Variants in MGAT1 observed in about 807,000 individuals in gnomAD.
MGAT1 encodes the protein alpha-1,3-mannosyl-glycoprotein 2-beta-N-acetylglucosaminyltransferase, also known as N-glycosyl-oligosaccharide-glycoprotein N-acetylglucosaminyltransferase I.
A neutral mutation model predicts 31.7 loss-of-function variants in MGAT1; 14 were observed. The observed-to-expected ratio is 0.44, with a 90% CI of 0.29 to 0.69. The LOEUF is 0.69. MGAT1 is among the 30% of genes least tolerant of loss of function. The pLI is 0.12. For missense variants in MGAT1, 557 were observed against 626.0 expected (o/e 0.89, Z 1.18); for synonymous variants, 338 against 276.0 (o/e 1.22, Z -2.23).
At position 180,792,193 on chromosome 5, in the gene MGAT1, C is replaced by CT; in HGVS notation, c.778_779insA (p.Arg260GlnfsTer19). 1 of 1,613,088 alleles carries CT rather than the reference C, an allele frequency of 6.2e-7. No individual in the cohort carries two copies. The highest frequency in any genetic ancestry group is 8.5e-7 in the Non-Finnish European group (1 of 1,179,992). The stretch of plus-strand genomic sequence containing the variant: ...GCCCAGGCCAGGGAAAAAGTCGGTG[C>CT]GGTAGAGCAGCTCAGGCCTGCTGGC... On this transcript the variant is annotated frameshift_variant, in exon 2 of 2. Transcript: ENST00000307826. LOFTEE classifies it high-confidence loss of function.
chr5:180,803,915 CCT>C (rs1318072849), upstream of MGAT1: 1 of 152,434 alleles, frequency 6.6e-6, no homozygotes, highest in Non-Finnish European at 1.5e-5. Flanking sequence ...GACCCACGCC[CCT>C]GACATCAACC....
chr5:180,810,876 A>T (rs1029000858), intron 1 of MGAT1: 2 of 152,210 alleles, frequency 1.3e-5, no homozygotes, highest in African/African-American at 4.8e-5. Context: ...GCCCTCTGAC[A>T]GGTGCTGTTG....
chr5:180,800,941 T>C (rs1173045123), intron 1 of MGAT1, among the ~76,000 whole-genome samples: 1 of 152,218 alleles, frequency 6.6e-6, no homozygotes, highest in Non-Finnish European at 1.5e-5. Context: ...CTTTCTAGAG[T>C]TTTCACAACT....
chr5:180,793,174 G>A, intron 1 of MGAT1, 77 bp from the exon 2 acceptor site: 2 of 643,210 alleles, frequency 3.1e-6, no homozygotes, highest in Non-Finnish European at 5.3e-6. Context: ...GGAAATGGGG[G>A]CAGGAAAAGG....
chr5:180,809,782 TAAAC>T (rs1271029067), intron 1 of MGAT1: 4 of 144,782 alleles, frequency 2.8e-5, no homozygotes, highest in African/African-American at 1.0e-4. Context: ...AGTTTATTCG[TAAAC>T]ACACACACAT....
At chr5:180,811,980 C>T (rs1193349231) in intron 1 of MGAT1, among the ~76,000 whole-genome samples, 1 of 152,322 alleles carries the variant, frequency 6.6e-6, no homozygotes, top group African/African-American at 2.4e-5. Context: ...TCCTGACCAA[C>T]CTGTTTAAAC....
chr5:180,805,743 C>G (rs1771769954), upstream of MGAT1, among the ~76,000 whole-genome samples: 1 of 151,566 alleles, frequency 6.6e-6, no homozygotes, highest in Admixed American at 6.6e-5. Flanking sequence ...GAGTGAGATT[C>G]CATCTCAAAA....
At chr5:180,804,845 CA>C (rs1223403011), upstream of MGAT1, among the ~76,000 whole-genome samples, 1 of 152,162 alleles carries the variant, frequency 6.6e-6, no homozygotes, top group African/African-American at 2.4e-5. Flanking sequence ...GAAGGGGAAA[CA>C]GGATGGCGGC....
chr5:180,814,411 C>T (rs929025650), intron 1 of MGAT1, among the ~76,000 whole-genome samples: 1 of 152,252 alleles, frequency 6.6e-6, no homozygotes, highest in African/African-American at 2.4e-5. Flanking sequence ...CCAGCACGCT[C>T]TCTGGGGTTC....
At chr5:180,807,622 C>T (rs1339639855), upstream of MGAT1, among the ~76,000 whole-genome samples, 1 of 152,216 alleles carries the variant, frequency 6.6e-6, no homozygotes. Flanking sequence ...CATCCTTCCA[C>T]CCCCTCTTTA....
chr5:180,791,309 T>C lies in MGAT1; in HGVS notation c.*325A>G, dbSNP rs1473533990. On this transcript the variant is annotated 3_prime_UTR_variant, in exon 2 of 2. Transcript: ENST00000307826. Reference sequence around the variant, plus strand: ...AGGGGTCTGGTCAAGAGAGCGAACGTTGCCAAACTCTCTGCACATGCTCCA... The same window carrying C: ...AGGGGTCTGGTCAAGAGAGCGAACGCTGCCAAACTCTCTGCACATGCTCCA... 3 of 397,488 alleles carry C rather than the reference T, an allele frequency of 7.5e-6. No individual in the cohort carries two copies. Among genetic ancestry groups the C allele is most frequent in the South Asian group, 7.1e-5 (2 of 28,040 alleles). The allele number at this position is 397,488 out of a possible 1,614,324, so 24.6% of individuals were successfully genotyped here. A position where few individuals can be genotyped will look rare whatever the true frequency, so the allele number is the denominator to read the frequency against.
intron 1 of MGAT1, among the ~76,000 whole-genome samples, chr5:180,802,262 G>C (rs1770944925): frequency 6.6e-6 from 1 of 152,144 alleles, no homozygotes; most frequent in African/African-American, 2.4e-5. Context: ...TTTCAACACT[G>C]AATCAACATT....
chr5:180,798,839 C>A (rs1770070616), intron 1 of MGAT1, among the ~76,000 whole-genome samples: 1 of 149,174 alleles, frequency 6.7e-6, no homozygotes, highest in Non-Finnish European at 1.5e-5. Flanking sequence ...TTCACCAGAT[C>A]ATCTTTTCAA....
At chr5:180,799,269 C>G (rs1413541453) in intron 1 of MGAT1, among the ~76,000 whole-genome samples, 1 of 152,152 alleles carries the variant, frequency 6.6e-6, no homozygotes, top group East Asian at 1.9e-4. Context: ...CCCCATGGAC[C>G]CTGCACTCTG....
At chr5:180,813,684 G>A (rs1379311646) in intron 1 of MGAT1, among the ~76,000 whole-genome samples, 5 of 152,170 alleles carry the variant, frequency 3.3e-5, no homozygotes, top group Non-Finnish European at 7.3e-5. Flanking sequence ...GTGGCCAAGA[G>A]GGACTGAACA....
chr5:180,812,444 A>G (rs621722), intron 1 of MGAT1, among the ~76,000 whole-genome samples: 27,428 of 152,130 alleles, frequency 0.18, 2,920 homozygotes, highest in African/African-American at 0.3. Flanking sequence ...ATAACAAGTC[A>G]TACAGAGTTG....
intron 1 of MGAT1, chr5:180,795,862 C>T (rs1404784036): frequency 6.6e-6 from 1 of 152,234 alleles, no homozygotes; most frequent in Non-Finnish European, 1.5e-5. Context: ...CACACACCTG[C>T]TCTCTGCCAG....
Position 180,791,547 on chromosome 5 carries a change from C to T in MGAT1, c.*87G>A. ...AAGATAAATGCACCTAAGAGGGAAA[C>T]ACAGGCAGGCCGATGCAGCCTGGGG... is the stretch of plus-strand genomic sequence containing the variant. On this transcript the variant is annotated 3_prime_UTR_variant, in exon 2 of 2. Transcript: ENST00000307826. 1 of 1,491,600 alleles carries T rather than the reference C, an allele frequency of 6.7e-7. No homozygotes were observed. Among genetic ancestry groups the T allele is most frequent in the Non-Finnish European group, 9.0e-7 (1 of 1,106,070 alleles). The allele number at this position is 1,491,600 out of a possible 1,614,324, so 92.4% of individuals were successfully genotyped here.
chr5:180,807,151 A>G (rs977926423), upstream of MGAT1, among the ~76,000 whole-genome samples: 5 of 152,228 alleles, frequency 3.3e-5, no homozygotes, highest in African/African-American at 9.6e-5. Context: ...AAAGTAAGGC[A>G]TAAGTACAGG....
Sources: gnomAD v4.1 joint callset for allele counts (sites outside exome capture counted in the v4.1 genomes callset) on GRCh38, gnomAD v4.1.1 for gene constraint, MANE v1.5 for transcripts, NCBI Gene and HGNC (gene_info 2026-07-23, HGNC 2026-07-21) for gene names.